REPS1: variants seen among roughly 807,000 people sequenced by gnomAD.
REPS1 encodes ralBP1-associated Eps domain-containing protein 1.
In REPS1, 39 loss-of-function variants were observed where a neutral mutation model predicts 100.9. That is an observed-to-expected ratio of 0.39 (90% CI 0.30 to 0.50). The LOEUF is 0.50. Ranked by LOEUF, REPS1 falls within the 20% of genes least tolerant of loss-of-function variation. The pLI is 0.86. For synonymous variants in REPS1, 324 were observed against 340.3 expected (o/e 0.95, Z 0.53); for missense variants, 821 against 968.5 (o/e 0.85, Z 2.02).
At chr6:138,930,126 T>C (rs1781397112) in intron 8 of REPS1, 28 bp from the exon 9 acceptor site, 3 of 1,602,386 alleles carry the variant, frequency 1.9e-6, no homozygotes, top group Non-Finnish European at 2.6e-6. Context: ...AGAAATTCTC[T>C]ATAAAGACTA....
At chr6:138,937,625 T>C (rs1367353563) in intron 8 of REPS1, among the ~76,000 whole-genome samples, 1 of 152,232 alleles carries the variant, frequency 6.6e-6, no homozygotes, top group African/African-American at 2.4e-5. Context: ...GTAGGGATCA[T>C]GCAGAAGGAG....
At chr6:138,983,936 T>C (rs1785098326) in intron 1 of REPS1, among the ~76,000 whole-genome samples, 2 of 152,194 alleles carry the variant, frequency 1.3e-5, no homozygotes, top group Admixed American at 1.3e-4. Context: ...TTTTAAAAAG[T>C]AAGCCCTCTT....
chr6:138,906,383 G>A (rs575690717), intron 19 of REPS1, among the ~76,000 whole-genome samples: 5 of 152,274 alleles, frequency 3.3e-5, no homozygotes, highest in South Asian at 2.1e-4. Flanking sequence ...GGGACAAGAC[G>A]GTCATAAGTT....
At chr6:138,938,991 G>A (rs1456137849) in intron 8 of REPS1, among the ~76,000 whole-genome samples, 1 of 151,802 alleles carries the variant, frequency 6.6e-6, no homozygotes, top group African/African-American at 2.4e-5. Flanking sequence ...GGGACAACAA[G>A]TGCACACCAC....
intron 7 of REPS1, among the ~76,000 whole-genome samples, chr6:138,943,246 A>T (rs1782381448): frequency 6.6e-6 from 1 of 152,230 alleles, no homozygotes; most frequent in South Asian, 2.1e-4. Context: ...GTGCAAACTA[A>T]CTTTTATCTC....
intron 8 of REPS1, among the ~76,000 whole-genome samples, chr6:138,936,403 G>A (rs1327121739): frequency 1.3e-5 from 2 of 152,036 alleles, no homozygotes; most frequent in Non-Finnish European, 2.9e-5. Flanking sequence ...TAGAGTTTTT[G>A]CCCTTCAAGT....
intron 16 of REPS1, chr6:138,912,563 T>TC: frequency 3.4e-6 from 2 of 585,292 alleles, no homozygotes. Flanking sequence ...GTGATATCAA[T>TC]CCCCCACCCC....
At chr6:138,966,421 T>A (rs1472717808) in intron 1 of REPS1, among the ~76,000 whole-genome samples, 2 of 152,250 alleles carry the variant, frequency 1.3e-5, no homozygotes, top group East Asian at 1.9e-4. Flanking sequence ...AGATGATTAT[T>A]ATAATAATGA....
chr6:138,907,297 T>TAAAA, intron 19 of REPS1, 198 bp downstream of exon 19: 2 of 170,208 alleles, frequency 1.2e-5, no homozygotes, highest in East Asian at 8.2e-5. Context: ...CGTGTCTCTT[T>TAAAA]AAAAAAAAAA....
At chr6:138,969,930 G>A (rs950891734) in intron 1 of REPS1, among the ~76,000 whole-genome samples, 61 of 128,388 alleles carry the variant, frequency 4.8e-4, no homozygotes, top group African/African-American at 1.9e-3. Flanking sequence ...CAGTTTTTTG[G>A]TCAGTCAAAA....
chr6:138,933,854 C>T (rs1262552742), intron 8 of REPS1, among the ~76,000 whole-genome samples: 1 of 151,988 alleles, frequency 6.6e-6, no homozygotes, highest in Non-Finnish European at 1.5e-5. Context: ...AACAAAGACT[C>T]TTGGGGTCCA....
rs1308083635 is a variant in REPS1, at chr6:138,903,948, C to T, written c.*1116G>A. ...TATAGTATTTAAACATTTTTTCTTT[C>T]AGAAATGAAAATACAAAATCTTCTA... On this transcript the variant is annotated 3_prime_UTR_variant, in exon 20 of 20. Coordinates refer to ENST00000450536, the MANE Select transcript of REPS1 (RefSeq NM_001286611.2). The T allele has an allele frequency of 1.3e-5, 2 of 152,028 alleles. No individual in the cohort carries two copies. Among genetic ancestry groups the T allele is most frequent in the Admixed American group, 6.5e-5 (1 of 15,272 alleles). The allele number at this position is 152,028 out of a possible 1,614,324, so 9.4% of individuals were successfully genotyped here.
At chr6:138,975,576 A>G (rs1273369470) in intron 1 of REPS1, among the ~76,000 whole-genome samples, 1 of 152,208 alleles carries the variant, frequency 6.6e-6, no homozygotes. Flanking sequence ...TCAGTTTGGT[A>G]GCATTAAAAC....
intron 8 of REPS1, among the ~76,000 whole-genome samples, chr6:138,935,742 T>G (rs779429370): frequency 6.0e-5 from 9 of 151,096 alleles, no homozygotes; most frequent in Non-Finnish European, 1.3e-4. Flanking sequence ...TAATCCCAGC[T>G]ACTCGGGAGG....
intron 8 of REPS1, among the ~76,000 whole-genome samples, chr6:138,939,046 C>T (rs1398291308): frequency 6.6e-6 from 1 of 151,858 alleles, no homozygotes; most frequent in Admixed American, 6.6e-5. Context: ...TGGATACTGA[C>T]GGACCCACAG....
chr6:138,929,908 T>C, intron 9 of REPS1, 69 bp downstream of exon 9: 2 of 1,498,966 alleles, frequency 1.3e-6, no homozygotes, highest in Non-Finnish European at 1.8e-6. Flanking sequence ...AGACTGAAAT[T>C]GCCCTCTTTG....
chr6:138,938,933 C>T (rs11966780), intron 8 of REPS1, among the ~76,000 whole-genome samples: 13,301 of 151,652 alleles, frequency 0.088, 1,223 homozygotes, highest in African/African-American at 0.23. Flanking sequence ...CTGCAACCTC[C>T]GCCTCCTGGG....
At chr6:138,915,133 C>G (rs1476858507) in intron 14 of REPS1, 1 of 199,412 alleles carries the variant, frequency 5.0e-6, no homozygotes, top group Non-Finnish European at 1.0e-5. Flanking sequence ...ATTCTAAACT[C>G]ACAGTGACTA....
intron 8 of REPS1, among the ~76,000 whole-genome samples, chr6:138,935,758 G>A (rs1582770552): frequency 6.7e-6 from 1 of 149,776 alleles, no homozygotes; most frequent in Admixed American, 6.7e-5. Context: ...GGAGGCTGAG[G>A]CAGGAGAATT....
Sources: gnomAD v4.1 joint callset for allele counts (sites outside exome capture counted in the v4.1 genomes callset) on GRCh38, gnomAD v4.1.1 for gene constraint, MANE v1.5 for transcripts, NCBI Gene and HGNC (gene_info 2026-07-23, HGNC 2026-07-21) for gene names.